Variants in STAG3 observed in about 807,000 individuals in gnomAD.
STAG3 encodes cohesin subunit SA-3.
STAG3 carries 101 observed loss-of-function variants against 160.7 expected under a neutral mutation model. The ratio of observed to expected loss-of-function variants is 0.63; its 90% CI spans 0.54 to 0.74. The LOEUF (loss-of-function observed/expected upper bound fraction) is 0.74, where lower values mean the gene tolerates loss of function less well. Ranked by LOEUF, STAG3 falls within the 30% of genes least tolerant of loss-of-function variation. STAG3 has a pLI of 0.00. For missense variants in STAG3, 1,188 were observed against 1,517.4 expected (o/e 0.78, Z 3.61); for synonymous variants, 519 against 585.0 (o/e 0.89, Z 1.63).
intron 4 of STAG3, 127 bp from the exon 5 acceptor site, chr7:100,186,073 C>G: frequency 1.2e-6 from 1 of 801,306 alleles, no homozygotes; most frequent in Non-Finnish European, 2.1e-6. Context: ...TCTAGTTCAC[C>G]AGTACATTGT....
intron 2 of STAG3, among the ~76,000 whole-genome samples, chr7:100,181,065 G>C (rs1396602031): frequency 6.6e-6 from 1 of 152,186 alleles, no homozygotes; most frequent in South Asian, 2.1e-4. Context: ...CAACCCTGGT[G>C]GGGGCTGAGA....
rs1404483110 is a variant in STAG3, at chr7:100,188,865, G to A, written c.564G>A (p.Gln188=). The change falls in exon 7 of 34, where the codon CAG becomes CAA. Residue 188 remains glutamine, a synonymous_variant. Coordinates refer to ENST00000615138, the MANE Select transcript of STAG3 (RefSeq NM_001282717.2). ...CAGGTCCATCCTGGAAGAAGTTCCA[G>A]GGCAGCTTCTGTGAATTTGTGAGGA... The part of the protein sequence containing the change: ...IAPGPSWKKF[Q]GSFCEFVRTL... 6.2e-7 allele frequency: 1 copy of A among 1,614,012 alleles called. No individual in the cohort carries two copies. Among genetic ancestry groups the A allele is most frequent in the Non-Finnish European group, 8.5e-7 (1 of 1,180,026 alleles).
In STAG3 at chr7:100,182,180, G is replaced by A. The variant is rs752861781; in HGVS notation, c.207G>A (p.Pro69=). ...NVKKRAAKRP[P]KTTPVAKHPK... The stretch of plus-strand genomic sequence containing the variant: ...AGAAGAGAGCAGCAAAACGACCACC[G>A]AAAACAACACCGGTGAGTCAGCCAG... Residue 69 remains proline (P), a synonymous_variant, in exon 3 of 34, where the codon CCG becomes CCA. Transcript: ENST00000615138. The A allele has an allele frequency of 5.6e-6, 9 of 1,611,498 alleles. No homozygotes were observed. In the East Asian group the frequency reaches 1.3e-4, roughly 24 times the overall value.
rs71126310 is a variant in STAG3 at position 100,184,463 on chromosome 7, G to GGTTTTTTTTTTTTTTTTTTTTTTTTTT, written c.336+1624_336+1625insGTTTTTTTTTTTTTTTTTTTTTTTTTT. Among the ~76,000 whole-genome samples, 3 of 98,552 alleles carry GGTTTTTTTTTTTTTTTTTTTTTTTTTT rather than the reference G, an allele frequency of 3.0e-5. 1 individual carries two copies. Among genetic ancestry groups the GGTTTTTTTTTTTTTTTTTTTTTTTTTT allele is most frequent in the African/African-American group, 7.9e-5 (2 of 25,292 alleles). The allele number at this position is 98,552 out of a possible 152,430, so 64.7% of individuals were successfully genotyped here. ...TTATATGCAGTTGTACAGCGTGTTAGTTTTTTTTTTTTTTTTTTTTTTTGA... is the reference window on the plus strand; with the variant it reads ...TTATATGCAGTTGTACAGCGTGTTAGGTTTTTTTTTTTTTTTTTTTTTTTTTTTTTTTTTTTTTTTTTTTTTTTTTGA... On this transcript the variant is annotated intron_variant, in intron 4 of 33. Transcript: ENST00000615138.
intron 29 of STAG3, among the ~76,000 whole-genome samples, chr7:100,206,746 G>A (rs780733695): frequency 6.6e-6 from 1 of 152,098 alleles, no homozygotes; most frequent in Non-Finnish European, 1.5e-5. Context: ...CTCCCAAAGT[G>A]CTGGTGAGCC....
rs1799577249 is a variant in STAG3, at chr7:100,180,543, C to T, written c.-14C>T. 1.3e-6 allele frequency: 2 copies of T among 1,531,410 alleles called. No homozygotes were observed. Among genetic ancestry groups the T allele is most frequent in the Non-Finnish European group, 1.8e-6 (2 of 1,104,216 alleles). 94.9% of individuals were successfully genotyped at this position (1,531,410 alleles called of 1,614,324 possible). A position where few individuals can be genotyped will look rare whatever the true frequency, so the allele number is the denominator to read the frequency against. The stretch of plus-strand genomic sequence containing the variant: ...TCCTCATCTTCCTGGCCTCATAGCT[C>T]CTCCTCTCCAAGCATGTCTTCCCCG... On this transcript the variant is annotated 5_prime_UTR_variant, in exon 2 of 34. Transcript: ENST00000615138.
intron 26 of STAG3, 78 bp from the exon 27 acceptor site, chr7:100,204,549 T>C (rs887498273): frequency 1.3e-6 from 2 of 1,542,762 alleles, no homozygotes; most frequent in Non-Finnish European, 1.8e-6. Flanking sequence ...AATTTCTGAG[T>C]AGAGAAGAGA....
rs1800781406 is a variant in STAG3, at chr7:100,197,759, G to A, written c.1066-19G>A. On this transcript the variant is annotated intron_variant, in intron 10 of 33. Transcript: ENST00000615138. ...TGGTTAGTCTTATTTCCATTCTCCT[G>A]GTTTTCCCTCCTCACCAGCACCGAG... The A allele has an allele frequency of 6.2e-7, 1 of 1,601,100 alleles. No homozygotes were observed. The highest frequency in any genetic ancestry group is 1.3e-5 in the African/African-American group (1 of 74,550).
intron 1 of STAG3, among the ~76,000 whole-genome samples, chr7:100,179,716 T>G (rs1243438314): frequency 6.6e-6 from 1 of 152,156 alleles, no homozygotes; most frequent in African/African-American, 2.4e-5. Flanking sequence ...CCTTGATGCC[T>G]TAGGTCAGCT....
downstream of STAG3, among the ~76,000 whole-genome samples, chr7:100,214,633 C>T (rs1260530607): frequency 1.3e-5 from 2 of 152,034 alleles, no homozygotes; most frequent in Non-Finnish European, 2.9e-5. Flanking sequence ...TGACAGGTGG[C>T]AGAGTGGAGC....
intron 2 of STAG3, chr7:100,180,877 C>A: frequency 2.6e-6 from 1 of 386,128 alleles, no homozygotes; most frequent in Middle Eastern, 8.1e-4. Flanking sequence ...AGTAGTACAT[C>A]CTGTTTTTTT....
At chr7:100,192,407 C>T (rs551538112) in intron 8 of STAG3, among the ~76,000 whole-genome samples, 1 of 152,228 alleles carries the variant, frequency 6.6e-6, no homozygotes, top group East Asian at 1.9e-4. Flanking sequence ...GCTTGTAATC[C>T]CAGCTACTTG....
At position 100,188,832 on chromosome 7, in the gene STAG3, C is replaced by T; in HGVS notation, c.531C>T (p.Leu177=). ...QFNEDSGDYP[L]IAPGPSWKKF... is the part of the protein sequence containing the mutation. ...TGTAGGACTCGGGGGACTACCCTCT[C>T]ATAGCTCCAGGTCCATCCTGGAAGA... The change falls in exon 7 of 34, where the codon CTC becomes CTT. Residue 177 remains leucine, a synonymous_variant. Coordinates refer to ENST00000615138, the MANE Select transcript of STAG3 (RefSeq NM_001282717.2). 1.9e-6 allele frequency: 3 copies of T among 1,614,088 alleles called. No homozygotes were observed. Among genetic ancestry groups the T allele is most frequent in the Non-Finnish European group, 2.5e-6 (3 of 1,179,996 alleles).
chr7:100,209,303 G>A (rs1011556537), intron 29 of STAG3, among the ~76,000 whole-genome samples: 1 of 152,186 alleles, frequency 6.6e-6, no homozygotes, highest in African/African-American at 2.4e-5. Flanking sequence ...TATAACAGGT[G>A]AGGGAGGGTG....
chr7:100,194,840 T>A (rs571568774), intron 8 of STAG3, among the ~76,000 whole-genome samples: 116 of 152,204 alleles, frequency 7.6e-4, no homozygotes, highest in Non-Finnish European at 1.4e-3. Flanking sequence ...CAGATAACCA[T>A]AACAGATACC....
At chr7:100,213,870 C>T in intron 33 of STAG3, 64 bp downstream of exon 33, 1 of 1,613,442 alleles carries the variant, frequency 6.2e-7, no homozygotes, top group Admixed American at 1.7e-5. Flanking sequence ...CCCGTGCACT[C>T]ATCAAATTGA....
At chr7:100,194,872 T>G (rs1168825912) in intron 8 of STAG3, among the ~76,000 whole-genome samples, 1 of 152,154 alleles carries the variant, frequency 6.6e-6, no homozygotes, top group Non-Finnish European at 1.5e-5. Context: ...GTTTGAAATA[T>G]TGTGAGAATT....
intron 5 of STAG3, among the ~76,000 whole-genome samples, chr7:100,188,042 G>A (rs994464625): frequency 2.0e-5 from 3 of 152,148 alleles, no homozygotes; most frequent in Non-Finnish European, 2.9e-5. Flanking sequence ...AGGCATGACC[G>A]ACTGCACCCG....
Position 100,192,306 on chromosome 7 carries a change from C to T in STAG3, c.867+2710C>T, listed in dbSNP as rs550303454. Among the ~76,000 whole-genome samples the T allele has an allele frequency of 5.3e-5, 8 of 152,232 alleles. No individual in the cohort carries two copies. In the East Asian group the frequency reaches 1.5e-3, roughly 29 times the overall value. ...TTGGGAGGCTGAGGCAGGTGGACTA[C>T]GTGAGGTGAGGAGTTTGAAACCAGC... is the stretch of plus-strand genomic sequence containing the variant. On this transcript the variant is annotated intron_variant, in intron 8 of 33. Transcript: ENST00000615138.
Sources: allele counts gnomAD v4.1 joint callset (sites outside exome capture counted in the v4.1 genomes callset), GRCh38; gene constraint gnomAD v4.1.1; transcripts MANE v1.5; gene names NCBI Gene and HGNC (gene_info 2026-07-23, HGNC 2026-07-21).